ZYG11B: variants seen among roughly 807,000 people sequenced by gnomAD.
The protein encoded by ZYG11B is protein zyg-11 homolog B.
A neutral mutation model predicts 82.4 loss-of-function variants in ZYG11B; 36 were observed. The ratio of observed to expected loss-of-function variants is 0.44; its 90% CI spans 0.33 to 0.58. The LOEUF (loss-of-function observed/expected upper bound fraction) is 0.58. ZYG11B is among the 20% of genes least tolerant of loss of function. The pLI is 0.02. For missense variants in ZYG11B, 552 were observed against 895.6 expected (o/e 0.62, Z 4.90); for synonymous variants, 303 against 312.8 (o/e 0.97, Z 0.33).
At chr1:52,801,271 AT>A (rs1311769155) in intron 8 of ZYG11B, among the ~76,000 whole-genome samples, 1 of 152,000 alleles carries the variant, frequency 6.6e-6, no homozygotes, top group Admixed American at 6.6e-5. Flanking sequence ...TAATTCTTTT[AT>A]TGTATGTAGT....
chr1:52,802,296 A>G (rs996993229), intron 10 of ZYG11B, among the ~76,000 whole-genome samples, 157 bp downstream of exon 10: 5 of 146,516 alleles, frequency 3.4e-5, no homozygotes, highest in African/African-American at 1.2e-4. Flanking sequence ...CCTCACCATG[A>G]TGACTTGAAA....
In ZYG11B at chr1:52,796,724, T is replaced by G; in HGVS notation, c.1435-10T>G. ...CTTGGACATTGAATTTGTTTTTTAC[T>G]TGCTTGCAGCTTTCTACAGAACAAA... On this transcript the variant is annotated splice_polypyrimidine_tract_variant and intron_variant, in intron 7 of 13. Transcript: ENST00000294353. The G allele has an allele frequency of 6.3e-7, 1 of 1,596,880 alleles. No individual in the cohort carries two copies. Among genetic ancestry groups the G allele is most frequent in the Non-Finnish European group, 8.5e-7 (1 of 1,173,564 alleles).
At position 52,824,882 on chromosome 1, in the gene ZYG11B, A is replaced by G. The variant is rs1012088575; in HGVS notation, c.*3253A>G. On this transcript the variant is annotated 3_prime_UTR_variant, in exon 14 of 14. Coordinates refer to ENST00000294353, the MANE Select transcript of ZYG11B (RefSeq NM_024646.3). Reference sequence around the variant, plus strand: ...ACCTGTAGACTAGAATATAACTGTTATTGGTGCCTTTGAGTGTTATCTCTC... The same window carrying G: ...ACCTGTAGACTAGAATATAACTGTTGTTGGTGCCTTTGAGTGTTATCTCTC... 2 of 152,042 alleles carry G rather than the reference A, an allele frequency of 1.3e-5. No individual in the cohort carries two copies. The highest frequency in any genetic ancestry group is 4.8e-5 in the African/African-American group (2 of 41,404). 9.4% of individuals were successfully genotyped at this position (152,042 alleles called of 1,614,324 possible).
At chr1:52,819,313 T>G (rs1645261117) in intron 13 of ZYG11B, among the ~76,000 whole-genome samples, 1 of 152,174 alleles carries the variant, frequency 6.6e-6, no homozygotes, top group South Asian at 2.1e-4. Flanking sequence ...TACATTAAAC[T>G]GTCTCTGCCC....
At chr1:52,770,094 T>TATATA (rs1558127605) in intron 2 of ZYG11B, among the ~76,000 whole-genome samples, 11 of 69,702 alleles carry the variant, frequency 1.6e-4, no homozygotes, top group Non-Finnish European at 3.6e-4. Flanking sequence ...ATATATATAT[T>TATATA]TTTTTTTTTT....
Position 52,821,727 on chromosome 1 carries a change from A to T in ZYG11B, c.*98A>T. The T allele has an allele frequency of 8.6e-7, 1 of 1,163,660 alleles. No individual in the cohort carries two copies. Among genetic ancestry groups the T allele is most frequent in the East Asian group, 2.4e-5 (1 of 40,876 alleles). 72.1% of individuals were successfully genotyped at this position (1,163,660 alleles called of 1,614,324 possible). On this transcript the variant is annotated 3_prime_UTR_variant, in exon 14 of 14. Coordinates refer to ENST00000294353, the MANE Select transcript of ZYG11B (RefSeq NM_024646.3). ...CCCTGATGTTTTGGGGGTTTCTATG[A>T]CAAGAGTCATAAAATCAGTTTGGGA...
chr1:52,767,524 C>G (rs1435707859), intron 2 of ZYG11B, among the ~76,000 whole-genome samples: 1 of 151,790 alleles, frequency 6.6e-6, no homozygotes, highest in African/African-American at 2.4e-5. Context: ...AAGATGGTCT[C>G]GATCTCCTGA....
intron 1 of ZYG11B, among the ~76,000 whole-genome samples, chr1:52,755,508 G>A (rs1460700600): frequency 1.3e-5 from 2 of 151,706 alleles, no homozygotes; most frequent in Non-Finnish European, 2.9e-5. Flanking sequence ...TGTCTTTTTT[G>A]TTTGTTTTAT....
chr1:52,740,695 C>A (rs765522000), intron 1 of ZYG11B, among the ~76,000 whole-genome samples: 13 of 151,424 alleles, frequency 8.6e-5, no homozygotes, highest in Non-Finnish European at 1.9e-4. Context: ...TCCTGAGTAG[C>A]TTGGATTACA....
rs530407808 is a variant in ZYG11B at position 52,758,130 on chromosome 1, C to T, written c.196+1507C>T. Among the ~76,000 whole-genome samples the T allele has an allele frequency of 2.0e-4, 28 of 142,244 alleles. No homozygotes were observed. The South Asian group carries it at 6.0e-3, about 31-fold the overall frequency. The allele number at this position is 142,244 out of a possible 152,430, so 93.3% of individuals were successfully genotyped here. ...AGGAGAATCGCTTGAATCCAGGAGG[C>T]GGAGGTTGCAGTGAGTCGAGATTGT... On this transcript the variant is annotated intron_variant, in intron 2 of 13. Transcript: ENST00000294353.
At chr1:52,753,625 T>TC (rs1348111199) in intron 1 of ZYG11B, among the ~76,000 whole-genome samples, 1 of 151,946 alleles carries the variant, frequency 6.6e-6, no homozygotes, top group Non-Finnish European at 1.5e-5. Flanking sequence ...AGACAGAGTT[T>TC]CGCTCTTGTT....
chr1:52,727,263 A>G (rs1167786841), intron 1 of ZYG11B, among the ~76,000 whole-genome samples: 1 of 151,878 alleles, frequency 6.6e-6, no homozygotes, highest in Admixed American at 6.6e-5. Context: ...AGCAGGAACA[A>G]TTTGAGGACT....
Position 52,813,625 on chromosome 1 carries a change from A to G in ZYG11B, c.1785A>G (p.Glu595=). The G allele has an allele frequency of 6.2e-7, 1 of 1,614,122 alleles. No homozygotes were observed. Among genetic ancestry groups the G allele is most frequent in the Non-Finnish European group, 8.5e-7 (1 of 1,180,008 alleles). Residue 595 remains glutamate, a synonymous_variant, in exon 11 of 14, where the codon GAA becomes GAG. Coordinates refer to ENST00000294353, the MANE Select transcript of ZYG11B (RefSeq NM_024646.3). ...DHISSLLHSV[E]VEVSYFAAGI... is the part of the protein sequence containing the mutation. The stretch of plus-strand genomic sequence containing the variant: ...TCAGTAGTCTCCTACACAGTGTGGA[A>G]GTGGAAGTCAGTTACTTTGCAGCTG...
At chr1:52,745,033 A>G (rs1571745836) in intron 1 of ZYG11B, among the ~76,000 whole-genome samples, 1 of 152,322 alleles carries the variant, frequency 6.6e-6, no homozygotes, top group East Asian at 1.9e-4. Flanking sequence ...TTTTTCTTAT[A>G]ATTAACCAAA....
intron 8 of ZYG11B, among the ~76,000 whole-genome samples, chr1:52,798,692 G>A (rs1453819619): frequency 6.6e-6 from 1 of 152,126 alleles, no homozygotes; most frequent in Non-Finnish European, 1.5e-5. Context: ...TCTGTTACAG[G>A]CATAAGGTTG....
chr1:52,802,256 G>T (rs886146341), intron 10 of ZYG11B, 117 bp downstream of exon 10: 3 of 864,828 alleles, frequency 3.5e-6, no homozygotes, highest in Admixed American at 2.7e-5. Context: ...CTAAGGCACG[G>T]TCATTGCTAA....
At chr1:52,796,667 A>C in intron 7 of ZYG11B, 67 bp from the exon 8 acceptor site, 2 of 1,295,812 alleles carry the variant, frequency 1.5e-6, no homozygotes, top group South Asian at 1.3e-5. Flanking sequence ...AGTGAGGTAC[A>C]GTGAATGATA....
intron 2 of ZYG11B, among the ~76,000 whole-genome samples, chr1:52,762,862 G>A (rs11802921): frequency 0.072 from 10,901 of 151,810 alleles, 636 homozygotes; most frequent in African/African-American, 0.16. Flanking sequence ...GATTACAAGT[G>A]TGAGCCACTG....
chr1:52,803,243 CACACACATATATATATATATAT>C (rs1558140613), intron 10 of ZYG11B, among the ~76,000 whole-genome samples: 1,228 of 51,598 alleles, frequency 0.024, 108 homozygotes, highest in African/African-American at 0.097. Context: ...TATATATACA[CACACACATATATATATATATAT>C]ACACACACAC....
Sources: gnomAD v4.1 joint callset for allele counts (sites outside exome capture counted in the v4.1 genomes callset) on GRCh38, gnomAD v4.1.1 for gene constraint, MANE v1.5 for transcripts, NCBI Gene and HGNC (gene_info 2026-07-23, HGNC 2026-07-21) for gene names.